Variants in CERS1 observed in about 807,000 individuals in gnomAD.
CERS1 encodes Embryonic growth/differentiation factor 1.
CERS1 carries 16 observed loss-of-function variants against 35.7 expected under a neutral mutation model. The ratio of observed to expected loss-of-function variants is 0.45; its 90% CI spans 0.30 to 0.68. The LOEUF (loss-of-function observed/expected upper bound fraction) is 0.68, where lower values mean the gene tolerates loss of function less well. CERS1 is among the 30% of genes least tolerant of loss of function. CERS1 has a pLI of 0.08. For missense variants in CERS1, 454 were observed against 453.9 expected (o/e 1.00, Z 0.00); for synonymous variants, 243 against 201.6 (o/e 1.21, Z -1.74).
At chr19:18,880,190 C>T in intron 4 of CERS1, 84 bp downstream of exon 4, 1 of 1,403,682 alleles carries the variant, frequency 7.1e-7, no homozygotes, top group Non-Finnish European at 9.5e-7. Flanking sequence ...CGCCTCCTTC[C>T]CTGCCTGGTC....
chr19:18,875,283 C>T (rs1234176711), intron 6 of CERS1, among the ~76,000 whole-genome samples: 10 of 149,250 alleles, frequency 6.7e-5, no homozygotes, highest in Admixed American at 4.0e-4. Flanking sequence ...CGGTGGCTCA[C>T]GCCTATAATC....
In CERS1 at chr19:18,892,725, G is replaced by T. The variant is rs150662527; in HGVS notation, c.409+691C>A. ...CGTGAGTGCCTCCGGGCCTTTGCAC[G>T]TGCTGTTACCGACACCTGGAATGCC... On this transcript the variant is annotated intron_variant, in intron 2 of 7. Coordinates refer to ENST00000623882, the MANE Select transcript of CERS1 (RefSeq NM_021267.5). Among the ~76,000 whole-genome samples, 44 of 152,174 alleles carry T rather than the reference G, an allele frequency of 2.9e-4. No individual in the cohort carries two copies. In the East Asian group the frequency reaches 7.9e-3, roughly 27 times the overall value.
chr19:18,889,134 C>T (rs566970772), intron 2 of CERS1, among the ~76,000 whole-genome samples: 3 of 152,038 alleles, frequency 2.0e-5, no homozygotes, highest in Non-Finnish European at 2.9e-5. Flanking sequence ...TCAAGTGATC[C>T]GCCCACCTCA....
rs2056115164 is a variant in CERS1, at chr19:18,878,795, G to C, written c.1010+135C>G. 5 of 1,474,458 alleles carry C rather than the reference G, an allele frequency of 3.4e-6. No homozygotes were observed. The Admixed American group carries it at 1.1e-4, about 32-fold the overall frequency. 91.3% of individuals were successfully genotyped at this position (1,474,458 alleles called of 1,614,324 possible). A position where few individuals can be genotyped will look rare whatever the true frequency, so the allele number is the denominator to read the frequency against. On this transcript the variant is annotated intron_variant, in intron 6 of 7. Coordinates refer to ENST00000623882, the MANE Select transcript of CERS1 (RefSeq NM_021267.5). This position sits in a 1 kb window ranked among gnomAD's most constrained non-coding sequence, Gnocchi z 4.6. ...CGTCCACGCCTTTATTGCAGTCTCTGTTTTGGAGTAGGCTTGGGGGGCAGC... is the reference window on the plus strand; with the variant it reads ...CGTCCACGCCTTTATTGCAGTCTCTCTTTTGGAGTAGGCTTGGGGGGCAGC...
At chr19:18,869,907 C>T in intron 7 of CERS1, 76 bp downstream of exon 7, 2 of 1,434,662 alleles carry the variant, frequency 1.4e-6, no homozygotes, top group Non-Finnish European at 1.9e-6. Flanking sequence ...GCTCGGGCAT[C>T]CCCGGGCCAC....
Position 18,886,134 on chromosome 19 carries a change from G to A in CERS1, c.410-1867C>T, listed in dbSNP as rs543585322. Among the ~76,000 whole-genome samples, 530 of 151,594 alleles carry A rather than the reference G, an allele frequency of 3.5e-3. 9 individuals are homozygous for A. Among genetic ancestry groups the A allele is most frequent in the African/African-American group, 0.013 (513 of 40,924 alleles). ...CAAGGGCTATGCTCTGGACGGGCAC[G>A]GTGGCTCATGCCTGTAATCCCAGCA... On this transcript the variant is annotated intron_variant, in intron 2 of 7. Coordinates refer to ENST00000623882, the MANE Select transcript of CERS1 (RefSeq NM_021267.5).
intron 2 of CERS1, among the ~76,000 whole-genome samples, chr19:18,892,973 GT>G (rs2056529945): frequency 6.6e-6 from 1 of 152,026 alleles, no homozygotes; most frequent in African/African-American, 2.4e-5. Flanking sequence ...CTGGAGTGCA[GT>G]GGCGCGAACT....
Position 18,870,029 on chromosome 19 carries a change from C to T in CERS1, c.*548G>A. On this transcript the variant is annotated 3_prime_UTR_variant, in exon 7 of 8. Coordinates refer to ENST00000623882, the MANE Select transcript of CERS1 (RefSeq NM_021267.5). This position sits in a 1 kb window ranked among gnomAD's most constrained non-coding sequence, Gnocchi z 5.1. The stretch of plus-strand genomic sequence containing the variant: ...CGATGTTTCCGGCGACCCCCAGCTC[C>T]TCCACGTGGCACGGTTGCAGGGTGA... 1 of 1,597,636 alleles carries T rather than the reference C, an allele frequency of 6.3e-7. No individual in the cohort carries two copies. Among genetic ancestry groups the T allele is most frequent in the Non-Finnish European group, 8.5e-7 (1 of 1,174,528 alleles).
chr19:18,891,382 C>T (rs748241541), intron 2 of CERS1, among the ~76,000 whole-genome samples: 13 of 152,118 alleles, frequency 8.5e-5, no homozygotes, highest in Non-Finnish European at 1.8e-4. Flanking sequence ...GCAGAGAAGC[C>T]GCAGCCCCCA....
At position 18,870,055 on chromosome 19, in the gene CERS1, C is replaced by T. The variant is rs558289125; in HGVS notation, c.*522G>A. Reference sequence around the variant, plus strand: ...TCCACGTGGCACGGTTGCAGGGTGACCCCTGGGGACGTCCGCCGCGAGCCA... The same window carrying T: ...TCCACGTGGCACGGTTGCAGGGTGATCCCTGGGGACGTCCGCCGCGAGCCA... On this transcript the variant is annotated 3_prime_UTR_variant, in exon 7 of 8. Coordinates refer to ENST00000623882, the MANE Select transcript of CERS1 (RefSeq NM_021267.5). This position sits in a 1 kb window ranked among gnomAD's most constrained non-coding sequence, Gnocchi z 5.1. The T allele has an allele frequency of 5.0e-6, 8 of 1,589,660 alleles. No individual in the cohort carries two copies. The highest frequency in any genetic ancestry group is 2.3e-5 in the South Asian group (2 of 88,286).
At chr19:18,889,455 C>T (rs916604077) in intron 2 of CERS1, among the ~76,000 whole-genome samples, 2 of 152,056 alleles carry the variant, frequency 1.3e-5, no homozygotes, top group Non-Finnish European at 2.9e-5. Flanking sequence ...CTCACTCTGT[C>T]AACCTGGCTG....
At position 18,887,919 on chromosome 19, in the gene CERS1, C is replaced by T. The variant is rs567847632; in HGVS notation, c.410-3652G>A. ...CATTAAACAGTCTCTCCCCATTCCCCTCCCCCAGCCCTGGCACCCCCCATC... is the reference window on the plus strand; with the variant it reads ...CATTAAACAGTCTCTCCCCATTCCCTTCCCCCAGCCCTGGCACCCCCCATC... On this transcript the variant is annotated intron_variant, in intron 2 of 7. Transcript: ENST00000623882. 5.7e-4 allele frequency among the ~76,000 whole-genome samples: 87 copies of T among 152,290 alleles called. 5 individuals are homozygous for T. In the South Asian group the frequency reaches 0.018, roughly 31 times the overall value.
Position 18,884,270 on chromosome 19 carries a change from G to A in CERS1, c.410-3C>T. On this transcript the variant is annotated splice_polypyrimidine_tract_variant and splice_region_variant and intron_variant, in intron 2 of 7. Transcript: ENST00000623882. ...CACTGCCATGCCCGGCGTCCAGTCTGGGGAGAGCCAAATCTCACAGTCAGG... is the reference window on the plus strand; with the variant it reads ...CACTGCCATGCCCGGCGTCCAGTCTAGGGAGAGCCAAATCTCACAGTCAGG... 6.2e-7 allele frequency: 1 copy of A among 1,608,946 alleles called. No individual in the cohort carries two copies. The highest frequency in any genetic ancestry group is 2.2e-5 in the East Asian group (1 of 44,758).
intron 2 of CERS1, 150 bp from the exon 3 acceptor site, chr19:18,884,417 A>AT (rs11297387): frequency 0.061 from 33,682 of 554,670 alleles, no homozygotes; most frequent in Middle Eastern, 0.1. Flanking sequence ...TCCCAATTCT[A>AT]TTTTTTTTTT....
intron 6 of CERS1, among the ~76,000 whole-genome samples, chr19:18,871,030 C>T (rs1432838749): frequency 6.6e-6 from 1 of 152,192 alleles, no homozygotes; most frequent in African/African-American, 2.4e-5. Context: ...TAGTCCTTGA[C>T]TCCAGTGGCC....
chr19:18,869,828 G>A (rs1372074760), intron 7 of CERS1, among the ~76,000 whole-genome samples, 155 bp downstream of exon 7: 1 of 152,090 alleles, frequency 6.6e-6, no homozygotes, highest in Non-Finnish European at 1.5e-5. Flanking sequence ...CAGATGACGA[G>A]GAAAGGGTGA....
At chr19:18,896,883 G>A (rs1431756631), upstream of CERS1, among the ~76,000 whole-genome samples, 1 of 148,164 alleles carries the variant, frequency 6.7e-6, no homozygotes, top group East Asian at 2.0e-4. The surrounding 1 kb of genome is among the most constrained non-coding windows in gnomAD (Gnocchi z 5.9). Context: ...GAGATTAGGG[G>A]GTTCTCTGAG....
chr19:18,888,496 C>T (rs544541512), intron 2 of CERS1, among the ~76,000 whole-genome samples: 19 of 121,722 alleles, frequency 1.6e-4, no homozygotes, highest in East Asian at 1.5e-3. Context: ...CCAGCCTGGG[C>T]GACAGAGTGA....
intron 2 of CERS1, 95 bp downstream of exon 2, chr19:18,893,321 C>T (rs1256965608): frequency 1.4e-6 from 2 of 1,385,954 alleles, no homozygotes; most frequent in Non-Finnish European, 1.9e-6. Flanking sequence ...CTCCAGTGAT[C>T]CTCCTGCTTC....
Sources: allele counts gnomAD v4.1 joint callset (sites outside exome capture counted in the v4.1 genomes callset), GRCh38; gene constraint gnomAD v4.1.1; non-coding constraint Gnocchi (gnomAD v3.1); transcripts MANE v1.5; gene names NCBI Gene and HGNC (gene_info 2026-07-23, HGNC 2026-07-21).